Variants in HSPA4L observed in about 807,000 individuals in gnomAD.
HSPA4L encodes heat shock protein family A (Hsp70) member 4 like, also known as heat shock 70 kDa protein 4L.
A neutral mutation model predicts 100.3 loss-of-function variants in HSPA4L; 48 were observed. The observed-to-expected ratio is 0.48, with a 90% CI of 0.38 to 0.61. The LOEUF is 0.61. Ranked by LOEUF, HSPA4L falls within the 20% of genes least tolerant of loss-of-function variation. HSPA4L has a pLI of 0.00. For missense variants in HSPA4L, 886 were observed against 988.6 expected (o/e 0.90, Z 1.39); for synonymous variants, 319 against 328.2 (o/e 0.97, Z 0.30).
chr4:127,813,263 A>C (rs1287864143), intron 12 of HSPA4L: 41 of 792,344 alleles, frequency 5.2e-5, no homozygotes, highest in South Asian at 3.9e-4. Context: ...ATTCTATTTT[A>C]AGACAGTTTC....
chr4:127,832,496 A>G (rs1431899564), intron 18 of HSPA4L, among the ~76,000 whole-genome samples, 187 bp from the exon 19 acceptor site: 1 of 152,234 alleles, frequency 6.6e-6, no homozygotes, highest in East Asian at 1.9e-4. Flanking sequence ...TGACTGCCAC[A>G]GACATATACT....
intron 12 of HSPA4L, chr4:127,812,674 T>C: frequency 1.4e-6 from 1 of 725,208 alleles, no homozygotes; most frequent in South Asian, 1.6e-5. Context: ...TTTTGTTTTG[T>C]TTTTGTAGCC....
intron 17 of HSPA4L, among the ~76,000 whole-genome samples, chr4:127,829,535 A>G (rs1734027979): frequency 6.6e-6 from 1 of 152,050 alleles, no homozygotes; most frequent in Non-Finnish European, 1.5e-5. Context: ...TTTTGAAGGT[A>G]GACGCTTTTA....
intron 18 of HSPA4L, among the ~76,000 whole-genome samples, chr4:127,831,680 G>A (rs1467525388): frequency 6.6e-6 from 1 of 151,852 alleles, no homozygotes; most frequent in Non-Finnish European, 1.5e-5. Context: ...GAACCTAAAT[G>A]TATTCATTTG....
chr4:127,814,343 G>A (rs1733617716), intron 12 of HSPA4L, among the ~76,000 whole-genome samples: 1 of 152,038 alleles, frequency 6.6e-6, no homozygotes, highest in Non-Finnish European at 1.5e-5. Flanking sequence ...AAAGAAAAAA[G>A]GTAGCTAACA....
intron 1 of HSPA4L, among the ~76,000 whole-genome samples, chr4:127,786,228 T>C (rs1176962791): frequency 1.3e-5 from 2 of 152,164 alleles, no homozygotes; most frequent in Non-Finnish European, 2.9e-5. Flanking sequence ...GGCCAAAAAT[T>C]AGTAAAACAA....
chr4:127,825,121 C>T (rs1384462621), intron 16 of HSPA4L, among the ~76,000 whole-genome samples: 1 of 147,112 alleles, frequency 6.8e-6, no homozygotes, highest in Admixed American at 6.9e-5. Flanking sequence ...GCCTGGGCGA[C>T]AGAATGAGAC....
chr4:127,819,726 A>C (rs528828245), intron 13 of HSPA4L, among the ~76,000 whole-genome samples: 1 of 152,282 alleles, frequency 6.6e-6, no homozygotes, highest in South Asian at 2.1e-4. Context: ...ACAGTTATAC[A>C]GTATGTACTT....
intron 14 of HSPA4L, among the ~76,000 whole-genome samples, chr4:127,820,899 T>C (rs75216134): frequency 6.6e-6 from 1 of 152,272 alleles, no homozygotes; most frequent in East Asian, 1.9e-4. Flanking sequence ...TCTCCTGTGT[T>C]GTCCTTAAAG....
chr4:127,792,677 T>G (rs1732910448), intron 1 of HSPA4L, among the ~76,000 whole-genome samples: 1 of 152,234 alleles, frequency 6.6e-6, no homozygotes, highest in African/African-American at 2.4e-5. Flanking sequence ...CGTTCTGGCT[T>G]CTGGTACTGA....
At chr4:127,819,994 G>T (rs746338376) in intron 13 of HSPA4L, among the ~76,000 whole-genome samples, 19 of 152,076 alleles carry the variant, frequency 1.2e-4, no homozygotes, top group Non-Finnish European at 2.2e-4. Context: ...GAATGGAATT[G>T]CTGGGTCATA....
chr4:127,795,723 G>C (rs1732999911), intron 2 of HSPA4L, 45 bp from the exon 3 acceptor site: 3 of 1,595,152 alleles, frequency 1.9e-6, no homozygotes, highest in Admixed American at 3.4e-5. Context: ...ATTTTATTTT[G>C]CATTTATTAG....
intron 3 of HSPA4L, among the ~76,000 whole-genome samples, chr4:127,796,422 C>G (rs1733022914): frequency 6.6e-6 from 1 of 152,008 alleles, no homozygotes; most frequent in African/African-American, 2.4e-5. Context: ...AGCCTCATAA[C>G]ACATGGAACT....
At chr4:127,808,929 T>C (rs1027848746) in intron 11 of HSPA4L, among the ~76,000 whole-genome samples, 25 of 152,120 alleles carry the variant, frequency 1.6e-4, no homozygotes, top group African/African-American at 5.8e-4. Flanking sequence ...TCTATCAAAA[T>C]AAAATGCTCT....
In HSPA4L at chr4:127,834,233, CCTT is replaced by C. The variant is rs1289496967; in HGVS notation, c.*1360_*1362del. ...TAGACAAGTATATGAGCCCTTATGT[CCTT>C]AATGCCAATCAACTAGATTGACCTA... On this transcript the variant is annotated 3_prime_UTR_variant, in exon 19 of 19. Transcript: ENST00000296464. 6.6e-6 allele frequency: 1 copy of C among 152,084 alleles called. No individual in the cohort carries two copies. The highest frequency in any genetic ancestry group is 2.4e-5 in the African/African-American group (1 of 41,424). 9.4% of individuals were successfully genotyped at this position (152,084 alleles called of 1,614,324 possible). A position where few individuals can be genotyped will look rare whatever the true frequency, so the allele number is the denominator to read the frequency against.
intron 17 of HSPA4L, among the ~76,000 whole-genome samples, chr4:127,828,465 AG>A (rs946726600): frequency 6.6e-6 from 1 of 152,172 alleles, no homozygotes. Flanking sequence ...GAAATACTTA[AG>A]CAACTTATTG....
chr4:127,805,923 G>T, intron 10 of HSPA4L, 130 bp downstream of exon 10: 1 of 510,992 alleles, frequency 2.0e-6, no homozygotes, highest in Non-Finnish European at 3.4e-6. Flanking sequence ...GTATTAAAGA[G>T]ATATAAAAAT....
chr4:127,820,718 A>G (rs1243614219), intron 14 of HSPA4L, among the ~76,000 whole-genome samples, 153 bp downstream of exon 14: 3 of 152,132 alleles, frequency 2.0e-5, no homozygotes, highest in Non-Finnish European at 2.9e-5. Flanking sequence ...CAAAATACTG[A>G]GCTGTTTTAA....
intron 17 of HSPA4L, among the ~76,000 whole-genome samples, chr4:127,829,785 T>A (rs986831890): frequency 2.6e-5 from 4 of 151,366 alleles, no homozygotes; most frequent in Admixed American, 6.6e-5. Context: ...TTTTTTTTTT[T>A]AAAGCATATG....
Sources: allele counts gnomAD v4.1 joint callset (sites outside exome capture counted in the v4.1 genomes callset), GRCh38; gene constraint gnomAD v4.1.1; transcripts MANE v1.5; gene names NCBI Gene and HGNC (gene_info 2026-07-23, HGNC 2026-07-21).